TMEM242: variants seen among roughly 807,000 people sequenced by gnomAD.
TMEM242 encodes the protein UPF0463 transmembrane protein C6orf35.
A neutral mutation model predicts 18.2 loss-of-function variants in TMEM242; 10 were observed. The observed-to-expected ratio is 0.55, with a 90% CI of 0.34 to 0.93. The LOEUF is 0.93. TMEM242 is among the 40% of genes least tolerant of loss of function. The probability of loss-of-function intolerance (pLI) is 0.02; values close to 1 mark genes in which losing one functional copy is unlikely to be tolerated. For synonymous variants in TMEM242, 57 were observed against 69.9 expected (o/e 0.81, Z 0.92); for missense variants, 186 against 175.5 (o/e 1.06, Z -0.34).
In TMEM242 at chr6:157,305,323, G is replaced by C. The variant is rs587691215; in HGVS notation, c.328-12324C>G. On this transcript the variant is annotated intron_variant, in intron 3 of 3. Coordinates refer to ENST00000400788, the MANE Select transcript of TMEM242 (RefSeq NM_018452.6). This position sits in a 1 kb window ranked among gnomAD's most constrained non-coding sequence, Gnocchi z 4.1. ...GAGAATCTAAGAGGATTCTCACTGG[G>C]GTTTTTGGTTTGAAGTGGAAGGATG... 4.8e-3 allele frequency among the ~76,000 whole-genome samples: 727 copies of C among 152,252 alleles called. 3 individuals carry two copies. The highest frequency in any genetic ancestry group is 0.017 in the African/African-American group (692 of 41,532).
At chr6:157,299,997 T>C (rs782703415) in intron 3 of TMEM242, 1 of 1,348,530 alleles carries the variant, frequency 7.4e-7, no homozygotes, top group Non-Finnish European at 1.1e-6. Flanking sequence ...AGCTCACTCT[T>C]CACGGGGGTG....
intron 3 of TMEM242, among the ~76,000 whole-genome samples, chr6:157,300,802 C>T (rs1345860884): frequency 2.0e-5 from 3 of 152,158 alleles, no homozygotes; most frequent in Non-Finnish European, 4.4e-5. Flanking sequence ...TTTGATTGTG[C>T]GTCCCGAAGA....
intron 3 of TMEM242, among the ~76,000 whole-genome samples, chr6:157,298,478 C>T (rs782686198): frequency 5.3e-5 from 8 of 152,170 alleles, no homozygotes; most frequent in Non-Finnish European, 1.0e-4. Flanking sequence ...CACTGGTGTG[C>T]GCACATACAC....
At position 157,292,083 on chromosome 6, in the gene TMEM242, A is replaced by C. The variant is rs1009183581; in HGVS notation, c.*818T>G. ...CAAATACTTTATATTGGGACTCCGT[A>C]CTCAGGTGACTTTCTGGTTAAAAAT... is the stretch of plus-strand genomic sequence containing the variant. On this transcript the variant is annotated 3_prime_UTR_variant, in exon 4 of 4. Transcript: ENST00000400788. 2 of 152,192 alleles carry C rather than the reference A, an allele frequency of 1.3e-5. No homozygotes were observed. The highest frequency in any genetic ancestry group is 2.9e-5 in the Non-Finnish European group (2 of 68,036). The allele number at this position is 152,192 out of a possible 1,614,324, so 9.4% of individuals were successfully genotyped here.
At chr6:157,297,205 A>G (rs587736816) in intron 3 of TMEM242, among the ~76,000 whole-genome samples, 1 of 152,386 alleles carries the variant, frequency 6.6e-6, no homozygotes, top group East Asian at 1.9e-4. Context: ...CAATGTGCTC[A>G]GTGCCATGGC....
In TMEM242 at chr6:157,290,226, C is replaced by T. The variant is rs1300061438; in HGVS notation, c.*2675G>A. The T allele has an allele frequency of 1.3e-5, 2 of 152,162 alleles. No homozygotes were observed. Among genetic ancestry groups the T allele is most frequent in the African/African-American group, 4.8e-5 (2 of 41,430 alleles). 9.4% of individuals were successfully genotyped at this position (152,162 alleles called of 1,614,324 possible). On this transcript the variant is annotated 3_prime_UTR_variant, in exon 4 of 4. Coordinates refer to ENST00000400788, the MANE Select transcript of TMEM242 (RefSeq NM_018452.6). ...AACACTCACCCAGTGGAAGCAACAG[C>T]CTTACCGAAAGCCTCCTTAATGTTG...
In TMEM242 at chr6:157,291,758, G is replaced by T. The variant is rs1251634674; in HGVS notation, c.*1143C>A. The T allele has an allele frequency of 7.0e-6, 1 of 143,200 alleles. No homozygotes were observed. The highest frequency in any genetic ancestry group is 2.4e-5 in the African/African-American group (1 of 41,192). The allele number at this position is 143,200 out of a possible 1,614,324, so 8.9% of individuals were successfully genotyped here. ...TTAAAAATCTCCCTTAGAATAAAAGGTTTCATGATAACAGAAATTTCAAAT... is the reference window on the plus strand; with the variant it reads ...TTAAAAATCTCCCTTAGAATAAAAGTTTTCATGATAACAGAAATTTCAAAT... On this transcript the variant is annotated 3_prime_UTR_variant, in exon 4 of 4. Coordinates refer to ENST00000400788, the MANE Select transcript of TMEM242 (RefSeq NM_018452.6).
intron 3 of TMEM242, among the ~76,000 whole-genome samples, chr6:157,309,953 T>C (rs1324257293): frequency 6.6e-6 from 1 of 152,156 alleles, no homozygotes; most frequent in African/African-American, 2.4e-5. Context: ...GCAATGTTCA[T>C]TCTGCCAGTC....
intron 3 of TMEM242, among the ~76,000 whole-genome samples, chr6:157,313,392 C>CT (rs1778269145): frequency 1.4e-4 from 1 of 6,968 alleles, no homozygotes; most frequent in Admixed American, 1.5e-3. Flanking sequence ...GTACGCTCAC[C>CT]GGGCCTTATT....
At chr6:157,311,125 C>T (rs1490801467) in intron 3 of TMEM242, among the ~76,000 whole-genome samples, 1 of 147,146 alleles carries the variant, frequency 6.8e-6, no homozygotes, top group African/African-American at 2.6e-5. Context: ...CTCACCTAGC[C>T]CCATCATAGT....
intron 3 of TMEM242, among the ~76,000 whole-genome samples, chr6:157,311,324 C>T (rs1554248730): frequency 4.4e-5 from 6 of 135,160 alleles, no homozygotes; most frequent in South Asian, 2.4e-4. Flanking sequence ...GTGTGTTCAC[C>T]TAGCCTCATC....
At chr6:157,306,514 T>C (rs1777920410) in intron 3 of TMEM242, among the ~76,000 whole-genome samples, 1 of 152,078 alleles carries the variant, frequency 6.6e-6, no homozygotes, top group Admixed American at 6.5e-5. Flanking sequence ...TAGGTTGTAG[T>C]TGGGGACAAA....
chr6:157,297,505 C>G (rs967991414), intron 3 of TMEM242, among the ~76,000 whole-genome samples: 1 of 152,140 alleles, frequency 6.6e-6, no homozygotes, highest in Non-Finnish European at 1.5e-5. Context: ...CTCCTAAAAC[C>G]GCCTAGAACT....
At chr6:157,314,012 T>C (rs1778321429) in intron 3 of TMEM242, among the ~76,000 whole-genome samples, 1 of 129,676 alleles carries the variant, frequency 7.7e-6, no homozygotes, top group African/African-American at 2.9e-5. Context: ...CCTAGCCTCA[T>C]AGTGTCTCAG....
intron 3 of TMEM242, among the ~76,000 whole-genome samples, chr6:157,317,900 C>A (rs2128417778): frequency 6.6e-6 from 1 of 152,274 alleles, no homozygotes; most frequent in Admixed American, 6.5e-5. Flanking sequence ...TTACCGCTGC[C>A]ACCTATCTCA....
At chr6:157,304,716 C>T (rs1222050943) in intron 3 of TMEM242, among the ~76,000 whole-genome samples, 2 of 151,934 alleles carry the variant, frequency 1.3e-5, no homozygotes, top group Admixed American at 6.6e-5. Flanking sequence ...TTGCAATAGG[C>T]GTTACAAAGA....
In TMEM242 at chr6:157,291,429, C is replaced by T. The variant is rs1562376897; in HGVS notation, c.*1472G>A. Reference sequence around the variant, plus strand: ...CGGTGCCCATTCTATTCAGAGGAACCTAGATTCAGACTAATTGTATGGACG... The same window carrying T: ...CGGTGCCCATTCTATTCAGAGGAACTTAGATTCAGACTAATTGTATGGACG... On this transcript the variant is annotated 3_prime_UTR_variant, in exon 4 of 4. Transcript: ENST00000400788. 6.6e-6 allele frequency: 1 copy of T among 152,218 alleles called. No homozygotes were observed. Among genetic ancestry groups the T allele is most frequent in the African/African-American group, 2.4e-5 (1 of 41,454 alleles). 9.4% of individuals were successfully genotyped at this position (152,218 alleles called of 1,614,324 possible).
intron 1 of TMEM242, among the ~76,000 whole-genome samples, chr6:157,323,075 C>T (rs1040047884): frequency 1.3e-4 from 20 of 152,142 alleles, no homozygotes; most frequent in African/African-American, 4.8e-4. Flanking sequence ...TTCCCCTCTC[C>T]CCTGGGACCA....
intron 3 of TMEM242, 169 bp downstream of exon 3, chr6:157,318,613 G>T: frequency 1.5e-6 from 1 of 660,570 alleles, no homozygotes; most frequent in Non-Finnish European, 2.5e-6. Context: ...GTATTTATTA[G>T]TAATAAGAAG....
Sources: allele counts gnomAD v4.1 joint callset (sites outside exome capture counted in the v4.1 genomes callset), GRCh38; gene constraint gnomAD v4.1.1; non-coding constraint Gnocchi (gnomAD v3.1); transcripts MANE v1.5; gene names NCBI Gene and HGNC (gene_info 2026-07-23, HGNC 2026-07-21).